The following NRXN1 variants were observed in gnomAD, a reference collection of about 807,000 sequenced individuals.
NRXN1 encodes neurexin-1.
A neutral mutation model predicts 150.9 loss-of-function variants in NRXN1; 39 were observed. The ratio of observed to expected loss-of-function variants is 0.26; its 90% CI spans 0.20 to 0.34. NRXN1 has a LOEUF of 0.34. Ranked by LOEUF, NRXN1 falls within the 10% of genes least tolerant of loss-of-function variation. The pLI is 1.00. For missense variants in NRXN1, 1,815 were observed against 1,949.9 expected (o/e 0.93, Z 1.30); for synonymous variants, 924 against 757.0 (o/e 1.22, Z -3.62).
intron 21 of NRXN1, among the ~76,000 whole-genome samples, chr2:50,036,718 A>C (rs1374851242): frequency 6.6e-6 from 1 of 152,182 alleles, no homozygotes; most frequent in South Asian, 2.1e-4. Flanking sequence ...GTGTGGCAAA[A>C]GCAATGTAAC....
intron 8 of NRXN1, among the ~76,000 whole-genome samples, chr2:50,564,042 T>C (rs72884013): frequency 0.036 from 5,421 of 152,316 alleles, 301 homozygotes; most frequent in African/African-American, 0.12. Context: ...AATTTTAATA[T>C]AATTTGATAA....
At chr2:49,943,871 A>G in intron 21 of NRXN1, 80 bp from the exon 22 acceptor site, 2 of 1,058,076 alleles carry the variant, frequency 1.9e-6, no homozygotes, top group Non-Finnish European at 2.9e-6. Context: ...GACAAGTGAA[A>G]TACAATTTGT....
chr2:50,369,088 A>G (rs2079815191), intron 17 of NRXN1, among the ~76,000 whole-genome samples: 2 of 151,910 alleles, frequency 1.3e-5, no homozygotes, highest in South Asian at 4.1e-4. Flanking sequence ...ACTCATCGCC[A>G]AGTACCTTCC....
At chr2:50,606,426 T>A (rs1022424723) in intron 8 of NRXN1, among the ~76,000 whole-genome samples, 1 of 151,766 alleles carries the variant, frequency 6.6e-6, no homozygotes, top group African/African-American at 2.4e-5. Flanking sequence ...AGAATTGTGG[T>A]TGCCAGGGCC....
chr2:50,896,069 A>G (rs1362450442), intron 5 of NRXN1, among the ~76,000 whole-genome samples: 2 of 152,196 alleles, frequency 1.3e-5, no homozygotes, highest in Non-Finnish European at 2.9e-5. Flanking sequence ...GTGAACCATT[A>G]AAATCAATAT....
At chr2:50,752,630 T>C (rs959904494) in intron 5 of NRXN1, among the ~76,000 whole-genome samples, 1 of 151,820 alleles carries the variant, frequency 6.6e-6, no homozygotes, top group Non-Finnish European at 1.5e-5. Context: ...TTCATTAATT[T>C]AAATTTTAAA....
At chr2:50,538,742 AATT>A (rs1346633756) in intron 9 of NRXN1, 106 bp from the exon 10 acceptor site, 16 of 865,352 alleles carry the variant, frequency 1.8e-5, no homozygotes, top group Non-Finnish European at 2.6e-5. Flanking sequence ...GGAGGCAGAC[AATT>A]ATTATTATTC....
chr2:49,980,584 G>C (rs1679835389), intron 21 of NRXN1, among the ~76,000 whole-genome samples: 1 of 152,118 alleles, frequency 6.6e-6, no homozygotes, highest in African/African-American at 2.4e-5. Flanking sequence ...GTTAGATAAA[G>C]TATGAAGTAT....
At chr2:50,026,014 G>A (rs1046372800) in intron 21 of NRXN1, among the ~76,000 whole-genome samples, 3 of 152,150 alleles carry the variant, frequency 2.0e-5, no homozygotes, top group African/African-American at 7.2e-5. Context: ...CTTAGTAGTG[G>A]ATATTAATCT....
At chr2:50,398,847 T>C (rs1346050999) in intron 17 of NRXN1, among the ~76,000 whole-genome samples, 1 of 152,142 alleles carries the variant, frequency 6.6e-6, no homozygotes, top group Non-Finnish European at 1.5e-5. Flanking sequence ...TATTTAATTA[T>C]CAGCCAGTAG....
intron 17 of NRXN1, among the ~76,000 whole-genome samples, chr2:50,414,652 A>T (rs1039741572): frequency 6.6e-6 from 1 of 152,012 alleles, no homozygotes; most frequent in African/African-American, 2.4e-5. Flanking sequence ...TCACTCCTAA[A>T]GTGTAGTAAG....
At chr2:50,639,105 A>T (rs985820011) in intron 5 of NRXN1, among the ~76,000 whole-genome samples, 1 of 152,132 alleles carries the variant, frequency 6.6e-6, no homozygotes, top group African/African-American at 2.4e-5. Flanking sequence ...TAGACTTGGC[A>T]AAGACCACTC....
At chr2:49,992,507 G>C (rs764445384) in intron 21 of NRXN1, among the ~76,000 whole-genome samples, 9 of 152,118 alleles carry the variant, frequency 5.9e-5, no homozygotes, top group Admixed American at 5.2e-4. Flanking sequence ...TTGAACTTGG[G>C]AGGCGGAGGT....
At chr2:50,746,572 A>G (rs923470081) in intron 5 of NRXN1, among the ~76,000 whole-genome samples, 1 of 151,186 alleles carries the variant, frequency 6.6e-6, no homozygotes, top group African/African-American at 2.4e-5. Flanking sequence ...CAACAACAAC[A>G]ACAACAACAA....
intron 17 of NRXN1, among the ~76,000 whole-genome samples, chr2:50,436,949 C>A (rs1009904387): frequency 4.6e-5 from 7 of 151,908 alleles, no homozygotes; most frequent in African/African-American, 1.7e-4. Flanking sequence ...TCATAATTAC[C>A]TTCTACAGTA....
chr2:50,473,007 T>A (rs1475487993), intron 15 of NRXN1, among the ~76,000 whole-genome samples: 1 of 151,896 alleles, frequency 6.6e-6, no homozygotes, highest in Non-Finnish European at 1.5e-5. Context: ...AAATTCACCT[T>A]CTGCTTAGAG....
Position 50,719,123 on chromosome 2 carries a change from G to T in NRXN1, c.833-95508C>A, listed in dbSNP as rs965773688. Among the ~76,000 whole-genome samples, 4 of 151,796 alleles carry T rather than the reference G, an allele frequency of 2.6e-5. No individual in the cohort carries two copies. In the East Asian group the frequency reaches 7.7e-4, roughly 29 times the overall value. On this transcript the variant is annotated intron_variant, in intron 5 of 22. Transcript: ENST00000401669. Reference sequence around the variant, plus strand: ...AAAATTTGGAGGCTTGGAGGTGTAAGATTAGAGACTTGTAATCTTTATCCT... The same window carrying T: ...AAAATTTGGAGGCTTGGAGGTGTAATATTAGAGACTTGTAATCTTTATCCT...
intron 17 of NRXN1, among the ~76,000 whole-genome samples, chr2:50,269,106 C>T (rs2152921226): frequency 6.6e-6 from 1 of 151,662 alleles, no homozygotes; most frequent in East Asian, 1.9e-4. Flanking sequence ...GGGAAACAGA[C>T]TTAGACAGGG....
At chr2:50,742,243 T>C (rs928275879) in intron 5 of NRXN1, among the ~76,000 whole-genome samples, 10 of 151,570 alleles carry the variant, frequency 6.6e-5, no homozygotes, top group Admixed American at 6.6e-4. Flanking sequence ...TATTTACATA[T>C]ATATAAATGC....
Sources: allele counts gnomAD v4.1 joint callset (sites outside exome capture counted in the v4.1 genomes callset), GRCh38; gene constraint gnomAD v4.1.1; transcripts MANE v1.5; gene names NCBI Gene and HGNC (gene_info 2026-07-23, HGNC 2026-07-21).